Variants in AKT3 observed in about 807,000 individuals in gnomAD.
AKT3 encodes the protein AKT serine/threonine kinase 3.
A neutral mutation model predicts 65.3 loss-of-function variants in AKT3; 15 were observed. The observed-to-expected ratio is 0.23, with a 90% confidence interval of 0.15 to 0.35. The LOEUF is 0.35. Among genes scored for constraint, AKT3 ranks in the 10% least tolerant of loss-of-function variants. The pLI is 1.00. For synonymous variants in AKT3, 206 were observed against 183.8 expected, an observed-to-expected ratio of 1.12 and a Z score of -0.98; for missense variants, 243 against 576.5, an observed-to-expected ratio of 0.42 and a Z score of 5.92.
intron 7 of AKT3, 38 bp from the exon 8 acceptor site, chr1:243,613,777 C>A (rs1049049661): frequency 7.5e-7 from 1 of 1,327,330 alleles, no homozygotes; most frequent in South Asian, 1.4e-5. Flanking sequence ...ACATTATAAT[C>A]CTGTATTCTT....
intron 7 of AKT3, 83 bp downstream of exon 7, chr1:243,615,013 T>A (rs1678190810): frequency 2.0e-6 from 2 of 995,338 alleles, no homozygotes; most frequent in Non-Finnish European, 3.0e-6. Flanking sequence ...AAATGAATAG[T>A]ATTTTTCACA....
At chr1:243,841,054 A>G (rs988321033) in intron 2 of AKT3, among the ~76,000 whole-genome samples, 6 of 152,124 alleles carry the variant, frequency 3.9e-5, no homozygotes, top group African/African-American at 1.4e-4. Context: ...TGTTATTCAA[A>G]TTTTTATGTT....
intron 12 of AKT3, among the ~76,000 whole-genome samples, chr1:243,516,686 T>G (rs1042491999): frequency 1.3e-5 from 2 of 151,776 alleles, no homozygotes; most frequent in Admixed American, 1.3e-4. Flanking sequence ...CCTGAAGCAA[T>G]CCTCCTGCCT....
chr1:243,671,345 G>C (rs371298523), intron 3 of AKT3, among the ~76,000 whole-genome samples: 1 of 152,036 alleles, frequency 6.6e-6, no homozygotes, highest in Admixed American at 6.5e-5. Context: ...CTCCCAAAGC[G>C]CTGGGATTAC....
chr1:243,845,811 A>G (rs12138168), intron 1 of AKT3, among the ~76,000 whole-genome samples: 32,408 of 151,930 alleles, frequency 0.21, 3,692 homozygotes, highest in East Asian at 0.32. Context: ...GCTACCCAAT[A>G]GGTATGGAAT....
intron 2 of AKT3, among the ~76,000 whole-genome samples, chr1:243,808,442 C>G (rs1323075687): frequency 1.3e-5 from 2 of 151,898 alleles, no homozygotes; most frequent in Non-Finnish European, 2.9e-5. Flanking sequence ...GATGGAAGAT[C>G]AAATGAATGA....
At chr1:243,716,408 A>G (rs769507477) in intron 2 of AKT3, among the ~76,000 whole-genome samples, 1 of 152,188 alleles carries the variant, frequency 6.6e-6, no homozygotes, top group Non-Finnish European at 1.5e-5. Flanking sequence ...AATACAATTT[A>G]ATTTATAATG....
intron 8 of AKT3, among the ~76,000 whole-genome samples, chr1:243,589,306 C>CAAAAAAAAAAA (rs758254217): frequency 4.2e-4 from 17 of 40,622 alleles, no homozygotes; most frequent in East Asian, 1.0e-3. Context: ...AACTCCATCT[C>CAAAAAAAAAAA]AAAAAAAAAA....
chr1:243,679,178 C>T (rs1683742540), intron 3 of AKT3, among the ~76,000 whole-genome samples: 1 of 152,150 alleles, frequency 6.6e-6, no homozygotes, highest in Non-Finnish European at 1.5e-5. Context: ...GCATGTAATA[C>T]ACAAAATATG....
intron 2 of AKT3, among the ~76,000 whole-genome samples, chr1:243,801,102 T>G (rs1409708028): frequency 3.9e-5 from 6 of 152,208 alleles, no homozygotes; most frequent in Non-Finnish European, 1.5e-5. Context: ...AGTCTTATTT[T>G]GCAGCTACAA....
At chr1:243,584,777 C>A (rs1675667273) in intron 8 of AKT3, among the ~76,000 whole-genome samples, 1 of 152,086 alleles carries the variant, frequency 6.6e-6, no homozygotes, top group African/African-American at 2.4e-5. Flanking sequence ...CTATGACAAA[C>A]CCACAGCCAA....
intron 9 of AKT3, among the ~76,000 whole-genome samples, chr1:243,565,200 A>G (rs775731100): frequency 2.0e-4 from 31 of 152,158 alleles, no homozygotes; most frequent in Non-Finnish European, 3.7e-4. Context: ...AGAAAGCTGA[A>G]TGAACACATA....
chr1:243,617,400 C>A (rs1158249744), intron 6 of AKT3, among the ~76,000 whole-genome samples: 1 of 151,684 alleles, frequency 6.6e-6, no homozygotes, highest in Non-Finnish European at 1.5e-5. Context: ...ATATACTGAA[C>A]CAAGTCCATT....
intron 12 of AKT3, among the ~76,000 whole-genome samples, chr1:243,534,520 G>A (rs1671765797): frequency 6.6e-6 from 1 of 152,142 alleles, no homozygotes; most frequent in African/African-American, 2.4e-5. Context: ...TCAACATTAT[G>A]GAATATTTTA....
At chr1:243,747,789 A>C (rs1374916143) in intron 2 of AKT3, among the ~76,000 whole-genome samples, 1 of 152,226 alleles carries the variant, frequency 6.6e-6, no homozygotes, top group Non-Finnish European at 1.5e-5. Context: ...AAAGGGATAA[A>C]TGTAAGACAG....
intron 8 of AKT3, among the ~76,000 whole-genome samples, chr1:243,610,911 T>C (rs1480535197): frequency 4.6e-5 from 7 of 152,220 alleles, no homozygotes; most frequent in Non-Finnish European, 1.0e-4. Context: ...GAGATTCCAC[T>C]GCATGAATGT....
chr1:243,551,420 A>AT (rs1475091271), intron 11 of AKT3, among the ~76,000 whole-genome samples: 1 of 152,196 alleles, frequency 6.6e-6, no homozygotes, highest in African/African-American at 2.4e-5. Context: ...CAGAAAGACA[A>AT]TATCTCTTTT....
intron 2 of AKT3, among the ~76,000 whole-genome samples, chr1:243,810,933 T>C (rs2148396968): frequency 6.6e-6 from 1 of 152,298 alleles, no homozygotes; most frequent in Non-Finnish European, 1.5e-5. Context: ...ACCATGATTA[T>C]CTCAATAGAT....
At chr1:243,554,939 C>T (rs1673311789) in intron 10 of AKT3, among the ~76,000 whole-genome samples, 2 of 151,360 alleles carry the variant, frequency 1.3e-5, no homozygotes, top group Admixed American at 6.6e-5. Flanking sequence ...AAAGTGAGTA[C>T]ATAAAAAAGG....
Sources: gnomAD v4.1 joint callset for allele counts (sites outside exome capture counted in the v4.1 genomes callset) on GRCh38, gnomAD v4.1.1 for gene constraint, MANE v1.5 for transcripts, NCBI Gene and HGNC (gene_info 2026-07-23, HGNC 2026-07-21) for gene names.